CEP126: variants seen among roughly 807,000 people sequenced by gnomAD.
The protein encoded by CEP126 is centrosomal protein of 126 kDa.
In CEP126, 74 loss-of-function variants were observed where a neutral mutation model predicts 107.8. The observed-to-expected ratio is 0.69, with a 90% CI of 0.57 to 0.83. The LOEUF is 0.83. Ranked by LOEUF, CEP126 falls within the 40% of genes least tolerant of loss-of-function variation. The pLI is 0.00. For missense variants in CEP126, 1,237 were observed against 1,281.9 expected (o/e 0.96, Z 0.53); for synonymous variants, 449 against 446.0 (o/e 1.01, Z -0.08).
Position 101,999,822 on chromosome 11 carries a change from G to A in CEP126, c.*2179G>A, listed in dbSNP as rs907180423. On this transcript the variant is annotated 3_prime_UTR_variant, in exon 11 of 11. Coordinates refer to ENST00000263468, the MANE Select transcript of CEP126 (RefSeq NM_020802.4). ...AGCACTTTGGAGGCCAAGGCAGGAGGACTGCTTGAGCCCAGGAGTTTGAGA... is the reference window on the plus strand; with the variant it reads ...AGCACTTTGGAGGCCAAGGCAGGAGAACTGCTTGAGCCCAGGAGTTTGAGA... 13 of 152,442 alleles carry A rather than the reference G, an allele frequency of 8.5e-5. No individual in the cohort carries two copies. Among genetic ancestry groups the A allele is most frequent in the African/African-American group, 3.1e-4 (13 of 41,436 alleles). The allele number at this position is 152,442 out of a possible 1,614,324, so 9.4% of individuals were successfully genotyped here.
intron 3 of CEP126, among the ~76,000 whole-genome samples, chr11:101,946,583 G>T (rs543538723): frequency 6.6e-6 from 1 of 151,056 alleles, no homozygotes; most frequent in East Asian, 2.0e-4. Context: ...GAAAGAGGCC[G>T]GGCGTGGTGG....
intron 6 of CEP126, among the ~76,000 whole-genome samples, chr11:101,977,063 C>T (rs1941199872): frequency 6.6e-6 from 1 of 151,980 alleles, no homozygotes; most frequent in Non-Finnish European, 1.5e-5. Context: ...TAAAGATAAG[C>T]TAAAGTAAAA....
intron 6 of CEP126, 37 bp from the exon 7 acceptor site, chr11:101,978,310 A>G: frequency 7.1e-7 from 1 of 1,399,208 alleles, no homozygotes; most frequent in Non-Finnish European, 1.0e-6. Flanking sequence ...CTACTCAACT[A>G]GCATAATTTT....
intron 2 of CEP126, among the ~76,000 whole-genome samples, chr11:101,926,179 G>A (rs910812761): frequency 7.9e-5 from 12 of 152,216 alleles, no homozygotes; most frequent in Middle Eastern, 3.4e-3. Context: ...TACTACAATA[G>A]CATCACTTAC....
At position 101,963,471 on chromosome 11, in the gene CEP126, T is replaced by C; in HGVS notation, c.2436T>C (p.Ser812=). 6.2e-7 allele frequency: 1 copy of C among 1,614,106 alleles called. No homozygotes were observed. Among genetic ancestry groups the C allele is most frequent in the Non-Finnish European group, 8.5e-7 (1 of 1,180,002 alleles). Residue 812 remains serine (S), a synonymous_variant, in exon 6 of 11, where the codon AGT becomes AGC. Coordinates refer to ENST00000263468, the MANE Select transcript of CEP126 (RefSeq NM_020802.4). ...CTCAATCTACATCAAATATTAGAAG[T>C]GGTAAAAATATACAAGTGTCTCAGT... is the stretch of plus-strand genomic sequence containing the variant. ...PPPQSTSNIR[S]GKNIQVSQCQ... is the part of the protein sequence containing the mutation.
chr11:101,955,278 C>T (rs891048872), intron 4 of CEP126, among the ~76,000 whole-genome samples: 12 of 152,116 alleles, frequency 7.9e-5, no homozygotes, highest in Non-Finnish European at 1.8e-4. Context: ...TATCATAAAG[C>T]TAATATGCTT....
At chr11:101,926,373 A>G (rs967460179) in intron 2 of CEP126, among the ~76,000 whole-genome samples, 1 of 152,226 alleles carries the variant, frequency 6.6e-6, no homozygotes, top group Non-Finnish European at 1.5e-5. Context: ...CAAAAGTTGT[A>G]TGTGGCTGAT....
chr11:101,948,710 A>T (rs189589840), intron 4 of CEP126, among the ~76,000 whole-genome samples: 6 of 152,200 alleles, frequency 3.9e-5, no homozygotes, highest in Admixed American at 6.5e-5. Flanking sequence ...TACTACATGT[A>T]TAGAAGTAGA....
intron 2 of CEP126, among the ~76,000 whole-genome samples, chr11:101,933,792 A>G (rs979878032): frequency 6.6e-6 from 1 of 151,126 alleles, no homozygotes; most frequent in Non-Finnish European, 1.5e-5. Context: ...GAAAGTAAAC[A>G]TGGAAAACTT....
intron 4 of CEP126, among the ~76,000 whole-genome samples, chr11:101,948,966 G>A (rs567245065): frequency 6.6e-6 from 1 of 152,260 alleles, no homozygotes; most frequent in African/African-American, 2.4e-5. Context: ...CAGTTCCCTT[G>A]ATTAGGACTA....
intron 2 of CEP126, among the ~76,000 whole-genome samples, chr11:101,940,682 G>T (rs1377186245): frequency 6.6e-6 from 1 of 152,152 alleles, no homozygotes; most frequent in Non-Finnish European, 1.5e-5. Context: ...GGCTGAGAAG[G>T]CTACAACAAT....
At chr11:101,937,880 G>A (rs535628354) in intron 2 of CEP126, among the ~76,000 whole-genome samples, 25 of 151,818 alleles carry the variant, frequency 1.6e-4, no homozygotes, top group Non-Finnish European at 2.9e-4. Context: ...TTGGCCGGGC[G>A]CGGTGGCTCA....
chr11:101,989,336 G>T (rs1031989631), intron 9 of CEP126, among the ~76,000 whole-genome samples: 3 of 151,974 alleles, frequency 2.0e-5, no homozygotes, highest in Non-Finnish European at 2.9e-5. Context: ...TATTGTGGGG[G>T]ACTGTCTAGT....
chr11:101,947,886 T>G (rs1940758676), intron 3 of CEP126, 145 bp from the exon 4 acceptor site: 3 of 374,302 alleles, frequency 8.0e-6, no homozygotes, highest in Non-Finnish European at 1.4e-5. Context: ...ATGTCAAAAT[T>G]TAAAGTATTT....
chr11:101,960,849 G>A (rs766083745), intron 5 of CEP126, among the ~76,000 whole-genome samples: 6 of 151,920 alleles, frequency 3.9e-5, no homozygotes, highest in Non-Finnish European at 8.8e-5. Context: ...ATTTTGACTA[G>A]ATATACAATT....
rs749673902 is a variant in CEP126 at position 101,963,689 on chromosome 11, C to A, written c.2654C>A (p.Thr885Asn). Reference protein sequence around the residue: ...LPSYCSSECQTFAKINHSNGT... With the variant: ...LPSYCSSECQNFAKINHSNGT... ...TCATATTGTTCTTCAGAGTGCCAAA[C>A]TTTCGCAAAAATAAATCATTCAAAT... The change falls in exon 6 of 11, where the codon ACT becomes AAT. Residue 885 changes from threonine to asparagine, a missense_variant. Physicochemically the swap from Thr to Asn is moderately conservative, Grantham distance 65. Transcript: ENST00000263468. 3.1e-6 allele frequency: 5 copies of A among 1,613,986 alleles called. No individual in the cohort carries two copies. The highest frequency in any genetic ancestry group is 4.2e-6 in the Non-Finnish European group (5 of 1,180,028).
rs1940979997 is a variant in CEP126, at chr11:101,961,996, A to C, written c.961A>C (p.Thr321Pro). 2 of 1,612,512 alleles carry C rather than the reference A, an allele frequency of 1.2e-6. No individual in the cohort carries two copies. The highest frequency in any genetic ancestry group is 1.7e-6 in the Non-Finnish European group (2 of 1,179,192). ...NWLTNLDASN[T>P]QNVTAFSDIL... is the part of the protein sequence containing the mutation. ...GCTTACAAATTTAGATGCTTCAAAT[A>C]CTCAGAATGTCACAGCTTTCTCAGA... Residue 321 changes from threonine (T) to proline (P), a missense_variant, in exon 6 of 11, where the codon ACT becomes CCT. Physicochemically the swap from Thr to Pro is conservative, Grantham distance 38 (BLOSUM62 -1). Transcript: ENST00000263468.
chr11:101,983,673 CAGA>C (rs1479894943), intron 8 of CEP126, among the ~76,000 whole-genome samples: 2 of 152,102 alleles, frequency 1.3e-5, no homozygotes, highest in Non-Finnish European at 2.9e-5. Context: ...TATCTGACAC[CAGA>C]AGAAGTATAT....
At chr11:101,928,678 C>T (rs1044278998) in intron 2 of CEP126, among the ~76,000 whole-genome samples, 33 of 151,874 alleles carry the variant, frequency 2.2e-4, no homozygotes, top group Non-Finnish European at 2.2e-4. Context: ...GTTTTTGCAC[C>T]CTGTCAAAAA....
Sources: allele counts gnomAD v4.1 joint callset (sites outside exome capture counted in the v4.1 genomes callset), GRCh38; gene constraint gnomAD v4.1.1; transcripts MANE v1.5; gene names NCBI Gene and HGNC (gene_info 2026-07-23, HGNC 2026-07-21).